SETD2: variants seen among roughly 807,000 people sequenced by gnomAD.
SETD2 encodes SET domain containing 2, histone lysine methyltransferase.
A neutral mutation model predicts 242.1 loss-of-function variants in SETD2; 31 were observed. That is an observed-to-expected ratio of 0.13 (90% CI 0.10 to 0.17). The LOEUF (loss-of-function observed/expected upper bound fraction) is 0.17, where lower values mean the gene tolerates loss of function less well. Among genes scored for constraint, SETD2 ranks in the 10% least tolerant of loss-of-function variants. SETD2 has a pLI of 1.00. For synonymous variants in SETD2, 1,006 were observed against 1,066.5 expected, an observed-to-expected ratio of 0.94 and a Z score of 1.11; for missense variants, 2,481 against 3,046.3, an observed-to-expected ratio of 0.81 and a Z score of 4.37.
intron 1 of SETD2, among the ~76,000 whole-genome samples, chr3:47,142,768 A>G (rs1348249970): frequency 6.6e-6 from 1 of 151,748 alleles, no homozygotes; most frequent in Non-Finnish European, 1.5e-5. Flanking sequence ...CCCAGGTTCA[A>G]GCAATTCTCC....
In SETD2 at chr3:47,120,887, T is replaced by C. The variant is rs779867877; in HGVS notation, c.3749A>G (p.His1250Arg). 1 of 1,614,238 alleles carries C rather than the reference T, an allele frequency of 6.2e-7. No individual in the cohort carries two copies. Among genetic ancestry groups the C allele is most frequent in the African/African-American group, 1.3e-5 (1 of 75,070 alleles). The change falls in exon 3 of 21, where the codon CAC becomes CGC. Residue 1250 changes from histidine (H) to arginine (R), a missense_variant. By Grantham distance (29) the His-to-Arg change is conservative. This residue lies in a region of SETD2 where 1,300 missense variants were observed against 1,259.2 expected (regional missense o/e 1.03). Transcript: ENST00000409792. ...SCEIPHVDGL[H>R]SSEELRNLGW... ...TAAGTTTCTGAGCTCTTCTGATGAG[T>C]GCAAGCCATCCACATGTGGTATCTC...
chr3:47,078,519 CTTTTTTTTTTTT>C (rs71098448), intron 12 of SETD2, among the ~76,000 whole-genome samples: 15 of 71,300 alleles, frequency 2.1e-4, no homozygotes, highest in African/African-American at 7.3e-4. Context: ...GATTCTCAGC[CTTTTTTTTTTTT>C]TTTTTTTTTT....
chr3:47,151,958 T>C (rs2106827198), intron 1 of SETD2, among the ~76,000 whole-genome samples: 1 of 152,306 alleles, frequency 6.6e-6, no homozygotes, highest in South Asian at 2.1e-4. Flanking sequence ...GAACAGTCTT[T>C]TTATATTCAA....
intron 16 of SETD2, among the ~76,000 whole-genome samples, chr3:47,046,236 C>G (rs2039519774): frequency 6.6e-6 from 1 of 150,986 alleles, no homozygotes; most frequent in Non-Finnish European, 1.5e-5. Context: ...ACTCAGGTGG[C>G]TGAGGCAGGA....
At position 47,120,570 on chromosome 3, in the gene SETD2, AT is replaced by A. The variant is rs2043033128; in HGVS notation, c.4065del (p.Lys1355AsnfsTer18). ...TTGTCTTTCTGAAGGGATAGAAGAA[AT>A]TTATCGGACTGGTCTGAAAAATGGG... ...DGSHFSDQSD[K>X]FLLSLQKDKG... On this transcript the variant is annotated frameshift_variant, in exon 3 of 21. Transcript: ENST00000409792. LOFTEE classifies it high-confidence loss of function. The A allele has an allele frequency of 6.2e-7, 1 of 1,614,018 alleles. No homozygotes were observed. Among genetic ancestry groups the A allele is most frequent in the Admixed American group, 1.7e-5 (1 of 60,000 alleles).
chr3:47,042,619 T>G lies in SETD2; in HGVS notation c.7180A>C (p.Asn2394His). The G allele has an allele frequency of 6.2e-7, 1 of 1,613,872 alleles. No homozygotes were observed. Among genetic ancestry groups the G allele is most frequent in the Non-Finnish European group, 8.5e-7 (1 of 1,179,852 alleles). ...TCTGGATCTCGAGCTGTCTTCCAGTTGGGAGGTAAGACAATGGTTTTTGGT... is the reference window on the plus strand; with the variant it reads ...TCTGGATCTCGAGCTGTCTTCCAGTGGGGAGGTAAGACAATGGTTTTTGGT... ...PKPKTIVLPP[N>H]WKTARDPEGK... The change falls in exon 17 of 21, where the codon AAC becomes CAC. Residue 2394 changes from asparagine to histidine, a missense_variant. Physicochemically the swap from Asn to His is moderately conservative, Grantham distance 68. Transcript: ENST00000409792.
intron 12 of SETD2, among the ~76,000 whole-genome samples, chr3:47,077,299 T>C (rs2041130147): frequency 6.6e-6 from 1 of 152,118 alleles, no homozygotes; most frequent in Non-Finnish European, 1.5e-5. Flanking sequence ...GCCAGGCTGG[T>C]CTTGAACTGT....
intron 12 of SETD2, among the ~76,000 whole-genome samples, chr3:47,072,526 A>T (rs2040868835): frequency 6.6e-6 from 1 of 152,066 alleles, no homozygotes; most frequent in South Asian, 2.1e-4. Context: ...AGAGAAAAAA[A>T]GACTGCAAGC....
intron 14 of SETD2, among the ~76,000 whole-genome samples, chr3:47,059,859 C>A (rs1288240034): frequency 6.6e-6 from 1 of 152,180 alleles, no homozygotes; most frequent in Non-Finnish European, 1.5e-5. Flanking sequence ...TCTCACCTCA[C>A]TGCAACCTCT....
chr3:47,114,063 T>C (rs2042760565), intron 4 of SETD2, 59 bp from the exon 5 acceptor site: 3 of 1,547,722 alleles, frequency 1.9e-6, no homozygotes, highest in Non-Finnish European at 2.6e-6. Context: ...CCAAAGTAAC[T>C]TTGAAAAAAT....
chr3:47,103,736 A>ACATG (rs2042302455), intron 6 of SETD2, among the ~76,000 whole-genome samples: 1 of 105,060 alleles, frequency 9.5e-6, no homozygotes, highest in African/African-American at 3.4e-5. Context: ...CATGCAATGC[A>ACATG]CACGCACGCA....
Position 47,122,779 on chromosome 3 carries a change from A to G in SETD2, c.1857T>C (p.Asn619=). Residue 619 remains asparagine (N), a synonymous_variant, in exon 3 of 21, where the codon AAT becomes AAC. Coordinates refer to ENST00000409792, the MANE Select transcript of SETD2 (RefSeq NM_014159.7). ...REKAGSPAPS[N]RLNDSPTLKK... is the part of the protein sequence containing the mutation. ...TTAAAGTAGGTGAATCATTTAATCG[A>G]TTTGATGGAGCTGGAGACCCAGCCT... 1 of 1,611,026 alleles carries G rather than the reference A, an allele frequency of 6.2e-7. No individual in the cohort carries two copies. The highest frequency in any genetic ancestry group is 1.1e-5 in the South Asian group (1 of 90,510).
In SETD2 at chr3:47,088,157, T is replaced by C; in HGVS notation, c.5233A>G (p.Ile1745Val). The part of the protein sequence containing the change: ...VLSLSRLMVR[I>V]ETLEQKLTCL... The stretch of plus-strand genomic sequence containing the variant: ...GTAAGTTTCTGCTCCAAAGTTTCAA[T>C]TCTAACCATTAGCCGGGATAAGCTG... The change falls in exon 10 of 21, where the codon ATT (isoleucine) becomes GTT (valine). Residue 1745 changes from isoleucine (I) to valine (V), a missense_variant. Coordinates refer to ENST00000409792, the MANE Select transcript of SETD2 (RefSeq NM_014159.7). The C allele has an allele frequency of 6.2e-7, 1 of 1,614,010 alleles. No homozygotes were observed. The highest frequency in any genetic ancestry group is 8.5e-7 in the Non-Finnish European group (1 of 1,179,980).
chr3:47,040,724 C>T (rs1228549993), intron 17 of SETD2, among the ~76,000 whole-genome samples: 2 of 151,866 alleles, frequency 1.3e-5, no homozygotes, highest in African/African-American at 2.4e-5. Flanking sequence ...CAGGTGCACA[C>T]CACCATGCCA....
At chr3:47,101,009 CAAAAAAAAAAA>C (rs1164475680) in intron 8 of SETD2, among the ~76,000 whole-genome samples, 17 of 23,118 alleles carry the variant, frequency 7.4e-4, no homozygotes, top group South Asian at 4.8e-3. Context: ...GAGTCCATCT[CAAAAAAAAAAA>C]AAAAAAAAAA....
At chr3:47,045,631 G>A (rs1244174694) in intron 16 of SETD2, among the ~76,000 whole-genome samples, 1 of 149,274 alleles carries the variant, frequency 6.7e-6, no homozygotes, top group Non-Finnish European at 1.5e-5. Context: ...CCAGGAAGTG[G>A]AGGTTGCAGT....
chr3:47,096,933 T>G (rs938858625), intron 9 of SETD2, among the ~76,000 whole-genome samples: 1 of 152,162 alleles, frequency 6.6e-6, no homozygotes, highest in South Asian at 2.1e-4. Flanking sequence ...ATGCTTTTTT[T>G]AACTTTTTTT....
In SETD2 at chr3:47,123,606, T is replaced by C. The variant is rs2043198586; in HGVS notation, c.1030A>G (p.Ser344Gly). 6.5e-7 allele frequency: 1 copy of C among 1,550,026 alleles called. No individual in the cohort carries two copies. The highest frequency in any genetic ancestry group is 2.0e-5 in the Admixed American group (1 of 50,632). The change falls in exon 3 of 21, where the codon AGC becomes GGC. Residue 344 changes from serine to glycine, a missense_variant. Physicochemically the swap from Ser to Gly is moderately conservative, Grantham distance 56. Transcript: ENST00000409792. The part of the protein sequence containing the change: ...QRSHDLKFSA[S>G]IEKERDFKKS... ...TTAAAATCTCTTTCCTTTTCAATGC[T>C]TGCTGAAAATTTTAAATCATGTGAT...
chr3:47,051,407 T>C (rs1204167520), intron 15 of SETD2, among the ~76,000 whole-genome samples: 1 of 152,052 alleles, frequency 6.6e-6, no homozygotes, highest in African/African-American at 2.4e-5. Flanking sequence ...GCCTGGCCAG[T>C]CTCCTACTTT....
Sources: gnomAD v4.1 joint callset for allele counts (sites outside exome capture counted in the v4.1 genomes callset) on GRCh38, gnomAD v4.1.1 for gene constraint, gnomAD v4.1.1 regional missense constraint, MANE v1.5 for transcripts, NCBI Gene and HGNC (gene_info 2026-07-23, HGNC 2026-07-21) for gene names.